TRPC5: variants seen among roughly 807,000 people sequenced by gnomAD.
TRPC5 encodes transient receptor potential cation channel subfamily C member 5, also known as short transient receptor potential channel 5.
In TRPC5, 9 loss-of-function variants were observed where a neutral mutation model predicts 56.5. The observed-to-expected ratio is 0.16, with a 90% CI of 0.10 to 0.28. TRPC5 has a LOEUF of 0.28. Ranked by LOEUF, TRPC5 falls within the 10% of genes least tolerant of loss-of-function variation. The pLI, the probability that TRPC5 is intolerant of heterozygous loss-of-function variation, is 1.00. For synonymous variants in TRPC5, 282 were observed against 278.5 expected (o/e 1.01, Z -0.13); for missense variants, 469 against 748.9 (o/e 0.63, Z 4.36).
intron 7 of TRPC5, among the ~76,000 whole-genome samples, chrX:111,788,969 C>T (rs998281977): frequency 1.1e-4 from 12 of 111,773 alleles, no homozygotes; most frequent in African/African-American, 2.9e-4. Context: ...GAATCATTAT[C>T]GTGAAAATGG....
intron 3 of TRPC5, among the ~76,000 whole-genome samples, chrX:111,862,859 T>C (rs1015377834): frequency 1.9e-4 from 21 of 112,146 alleles, no homozygotes; most frequent in African/African-American, 6.8e-4. Context: ...CTTTGAACAG[T>C]GTTTTCTGGT....
intron 1 of TRPC5, among the ~76,000 whole-genome samples, chrX:112,033,395 G>A (rs1482755108): frequency 9.2e-6 from 1 of 108,360 alleles, no homozygotes; most frequent in African/African-American, 3.4e-5. Flanking sequence ...TTATCTTTTT[G>A]TTATTGAGTA....
In TRPC5 at chrX:111,900,453, A is replaced by T. The variant is rs183022400; in HGVS notation, c.900+11838T>A. Among the ~76,000 whole-genome samples, 381 of 112,177 alleles carry T rather than the reference A, an allele frequency of 3.4e-3. 2 individuals carry two copies. Among genetic ancestry groups the T allele is most frequent in the African/African-American group, 0.012 (371 of 30,935 alleles). On this transcript the variant is annotated intron_variant, in intron 3 of 10. Transcript: ENST00000262839. Reference sequence around the variant, plus strand: ...ATAGACCTGGACTATTGCAGGAAAAACAATCTGGTGAAGGGAGATATGAAA... The same window carrying T: ...ATAGACCTGGACTATTGCAGGAAAATCAATCTGGTGAAGGGAGATATGAAA...
At chrX:111,849,215 A>T (rs777913861) in intron 5 of TRPC5, among the ~76,000 whole-genome samples, 2 of 112,263 alleles carry the variant, frequency 1.8e-5, no homozygotes, top group East Asian at 5.6e-4. Context: ...TGCCCATGGG[A>T]TGGTGAATCT....
At chrX:111,870,283 C>A (rs1035132960) in intron 3 of TRPC5, among the ~76,000 whole-genome samples, 2 of 111,550 alleles carry the variant, frequency 1.8e-5, no homozygotes, top group Non-Finnish European at 3.8e-5. Flanking sequence ...CTGTCTATGC[C>A]ATATATTAGA....
intron 3 of TRPC5, among the ~76,000 whole-genome samples, chrX:111,869,767 G>A (rs1320095231): frequency 9.0e-6 from 1 of 111,451 alleles, no homozygotes; most frequent in East Asian, 2.8e-4. Context: ...GATGGCAGCA[G>A]AGGGTGGTAG....
intron 1 of TRPC5, among the ~76,000 whole-genome samples, chrX:111,982,702 A>T (rs903835131): frequency 9.0e-6 from 1 of 111,342 alleles, no homozygotes; most frequent in Non-Finnish European, 1.9e-5. Context: ...TTTCCAAGTC[A>T]ATGGAGTTGT....
intron 1 of TRPC5, among the ~76,000 whole-genome samples, chrX:112,051,433 C>T (rs1930209598): frequency 9.0e-6 from 1 of 111,432 alleles, no homozygotes; most frequent in Admixed American, 9.5e-5. Flanking sequence ...AGATCCACTG[C>T]TTTCCCCATC....
rs1184357464 is a variant in TRPC5 at position 111,772,483 on chromosome X, G to T, written c.*3830C>A. Among the ~76,000 whole-genome samples the T allele has an allele frequency of 5.4e-5, 6 of 111,591 alleles. No homozygotes were observed. Among genetic ancestry groups the T allele is most frequent in the Non-Finnish European group, 1.1e-4 (6 of 53,155 alleles). ...CAGTCTCGCTCTGCCGCCCAGGCTT[G>T]AGTGCAGTGGTGTGATCTCAGTGCA... On this transcript the variant is annotated 3_prime_UTR_variant, in exon 11 of 11. Transcript: ENST00000262839.
In TRPC5 at chrX:111,978,560, A is replaced by G. The variant is rs1927990753; in HGVS notation, c.-21-26119T>C. ...CCTAAGTAGTTATCCCAGAAAAGTTAATGTATATGTCCATACAAAAAAATT... is the reference window on the plus strand; with the variant it reads ...CCTAAGTAGTTATCCCAGAAAAGTTGATGTATATGTCCATACAAAAAAATT... On this transcript the variant is annotated intron_variant, in intron 1 of 10. Transcript: ENST00000262839. 6.3e-5 allele frequency among the ~76,000 whole-genome samples: 7 copies of G among 111,689 alleles called. No individual in the cohort carries two copies. The South Asian group carries it at 2.6e-3, about 42-fold the overall frequency.
intron 1 of TRPC5, among the ~76,000 whole-genome samples, chrX:111,965,061 T>C (rs766714776): frequency 5.4e-5 from 6 of 111,515 alleles, no homozygotes; most frequent in African/African-American, 2.0e-4. Context: ...CCCATCAGCG[T>C]GCTGTATTCA....
intron 6 of TRPC5, among the ~76,000 whole-genome samples, chrX:111,846,215 A>T (rs1204932930): frequency 9.0e-6 from 1 of 111,677 alleles, no homozygotes; most frequent in Non-Finnish European, 1.9e-5. Context: ...AATGACTAAG[A>T]ATCTTGTATG....
At chrX:111,850,610 A>C (rs1463732838) in intron 5 of TRPC5, among the ~76,000 whole-genome samples, 1 of 111,747 alleles carries the variant, frequency 8.9e-6, no homozygotes, top group African/African-American at 3.3e-5. Context: ...CTTGCTTTAT[A>C]AATTCTTTTT....
intron 7 of TRPC5, among the ~76,000 whole-genome samples, chrX:111,833,574 T>C (rs1005881396): frequency 9.0e-6 from 1 of 111,522 alleles, no homozygotes; most frequent in African/African-American, 3.3e-5. Flanking sequence ...AATATATTTA[T>C]TTCATTGCCA....
chrX:111,996,819 G>C (rs900414838), intron 1 of TRPC5, among the ~76,000 whole-genome samples: 1 of 109,769 alleles, frequency 9.1e-6, no homozygotes, highest in African/African-American at 3.3e-5. Flanking sequence ...TTTTTGTTTT[G>C]TTTTGTTTTG....
intron 3 of TRPC5, among the ~76,000 whole-genome samples, chrX:111,872,296 A>G (rs1019895074): frequency 8.9e-6 from 1 of 112,276 alleles, no homozygotes; most frequent in African/African-American, 3.2e-5. Flanking sequence ...ATGTTCTGTC[A>G]TGCCAATTAC....
intron 8 of TRPC5, among the ~76,000 whole-genome samples, 172 bp downstream of exon 8, chrX:111,781,763 C>T (rs995881256): frequency 9.1e-6 from 1 of 110,074 alleles, no homozygotes; most frequent in Non-Finnish European, 1.9e-5. Context: ...GGTGTGGTGG[C>T]AGACGCCTGT....
chrX:112,055,430 A>G (rs1271892340), intron 1 of TRPC5, among the ~76,000 whole-genome samples: 1 of 111,310 alleles, frequency 9.0e-6, no homozygotes, highest in Non-Finnish European at 1.9e-5. Context: ...GCTGACAGCC[A>G]TTAATTCCAA....
chrX:111,985,597 G>A (rs1239590624), intron 1 of TRPC5, among the ~76,000 whole-genome samples: 1 of 111,735 alleles, frequency 8.9e-6, no homozygotes, highest in Non-Finnish European at 1.9e-5. Context: ...TTCATTCAAG[G>A]GGTTCTGGGT....
Sources: gnomAD v4.1 joint callset for allele counts (sites outside exome capture counted in the v4.1 genomes callset) on GRCh38, gnomAD v4.1.1 for gene constraint, MANE v1.5 for transcripts, NCBI Gene and HGNC (gene_info 2026-07-23, HGNC 2026-07-21) for gene names.